Variants in ARHGEF5 observed in about 807,000 individuals in gnomAD.
ARHGEF5 encodes Rho guanine nucleotide exchange factor 5.
Under a neutral mutation model 104.0 loss-of-function variants are expected in ARHGEF5, and 11 were observed. That is an observed-to-expected ratio of 0.11 (90% CI 0.07 to 0.18). ARHGEF5 has a LOEUF of 0.18. Among genes scored for constraint, ARHGEF5 ranks in the 10% least tolerant of loss-of-function variants. The probability of loss-of-function intolerance (pLI) is 1.00; values close to 1 mark genes in which losing one functional copy is unlikely to be tolerated. For synonymous variants in ARHGEF5, 60 were observed against 512.2 expected (o/e 0.12, Z 11.92); for missense variants, 165 against 1,335.4 (o/e 0.12, Z 13.66).
intron 9 of ARHGEF5, among the ~76,000 whole-genome samples, chr7:144,372,980 C>T (rs1471220803): frequency 7.4e-6 from 1 of 135,008 alleles, no homozygotes; most frequent in African/African-American, 2.8e-5. Context: ...CCACCATCAC[C>T]CCCCCATTCA....
At chr7:144,378,919 C>T in intron 14 of ARHGEF5, 53 bp downstream of exon 14, 19 of 1,541,908 alleles carry the variant, frequency 1.2e-5, no homozygotes, top group Non-Finnish European at 1.7e-5. Context: ...CAGGGCAGTG[C>T]TGGGAGTGTG....
chr7:144,370,615 G>A (rs1299740404), intron 5 of ARHGEF5, among the ~76,000 whole-genome samples: 9 of 150,140 alleles, frequency 6.0e-5, no homozygotes, highest in African/African-American at 1.7e-4. Flanking sequence ...ACATGTGCAC[G>A]CCATCACATC....
chr7:144,378,253 G>T (rs1382327512), intron 13 of ARHGEF5, among the ~76,000 whole-genome samples: 2 of 152,192 alleles, frequency 1.3e-5, no homozygotes, highest in East Asian at 1.9e-4. Context: ...AGGGCTTTCA[G>T]TCTCTGGCTT....
At position 144,379,912 on chromosome 7, in the gene ARHGEF5, C is replaced by T. The variant is rs769617324; in HGVS notation, c.4650C>T (p.Gly1550=). ...TQQSSDGWLE[G]VRLSDGERGW... is the part of the protein sequence containing the mutation. ...CTGTGCCCACAGGCTGGCTGGAGGG[C>T]GTGAGGCTCTCAGACGGGGAGCGAG... is the stretch of plus-strand genomic sequence containing the variant. The change falls in exon 15 of 15, where the codon GGC becomes GGT. Residue 1550 remains glycine, a synonymous_variant. Coordinates refer to ENST00000056217, the MANE Select transcript of ARHGEF5 (RefSeq NM_005435.4). 13 of 1,613,990 alleles carry T rather than the reference C, an allele frequency of 8.1e-6. No homozygotes were observed. Among genetic ancestry groups the T allele is most frequent in the Admixed American group, 6.7e-5 (4 of 59,996 alleles).
rs757056683 is a variant in ARHGEF5, at chr7:144,373,292, G to A, written c.4140+8G>A. The A allele has an allele frequency of 8.7e-5, 120 of 1,386,206 alleles. 25 individuals are homozygous for A. Among genetic ancestry groups the A allele is most frequent in the African/African-American group, 5.2e-5 (3 of 57,642 alleles). 85.9% of individuals were successfully genotyped at this position (1,386,206 alleles called of 1,614,324 possible). A position where few individuals can be genotyped will look rare whatever the true frequency, so the allele number is the denominator to read the frequency against. On this transcript the variant is annotated splice_region_variant and intron_variant, in intron 10 of 14. Coordinates refer to ENST00000056217, the MANE Select transcript of ARHGEF5 (RefSeq NM_005435.4). ...ATTGAGTTTGAGTGCAAAGTGAGTC[G>A]GTCCCATGCACCCCATCCCTGCCCA...
At position 144,377,153 on chromosome 7, in the gene ARHGEF5, C is replaced by T; in HGVS notation, c.4494C>T (p.Ala1498=). 6.6e-7 allele frequency: 1 copy of T among 1,524,140 alleles called. No homozygotes were observed. Among genetic ancestry groups the T allele is most frequent in the East Asian group, 2.3e-5 (1 of 43,314 alleles). 94.4% of individuals were successfully genotyped at this position (1,524,140 alleles called of 1,614,324 possible). Residue 1498 remains alanine (A), a synonymous_variant, in exon 13 of 15, where the codon GCC becomes GCT. Transcript: ENST00000056217. ...SEKLRWISAL[A]MPREELDLLE... ...AGCTTCGGTGGATCTCAGCCTTGGCCATGCCAAGAGAGGAGTTGGACCTTC... is the reference window on the plus strand; with the variant it reads ...AGCTTCGGTGGATCTCAGCCTTGGCTATGCCAAGAGAGGAGTTGGACCTTC...
Position 144,378,847 on chromosome 7 carries a change from GA to G in ARHGEF5, c.4618del (p.Thr1540LeufsTer12). 3 of 1,614,108 alleles carry G rather than the reference GA, an allele frequency of 1.9e-6. No individual in the cohort carries two copies. The highest frequency in any genetic ancestry group is 2.5e-6 in the Non-Finnish European group (3 of 1,179,992). ...ALEKADVVMV[T>X]QQSSDGWLEG... ...TGGAGAAAGCCGACGTGGTGATGGT[GA>G]CTCAGCAGAGCAGTGACGGTAAGCG... On this transcript the variant is annotated frameshift_variant, in exon 14 of 15. Coordinates refer to ENST00000056217, the MANE Select transcript of ARHGEF5 (RefSeq NM_005435.4). LOFTEE classifies it high-confidence loss of function.
Position 144,380,124 on chromosome 7 carries a change from C to G in ARHGEF5, c.*68C>G, listed in dbSNP as rs554793002. On this transcript the variant is annotated 3_prime_UTR_variant, in exon 15 of 15. Coordinates refer to ENST00000056217, the MANE Select transcript of ARHGEF5 (RefSeq NM_005435.4). ...TCATGGCAAGGGCTGGCCCCAGAAC[C>G]CTGCAAGAGAGGCCTTCTGTGGATG... The G allele has an allele frequency of 6.3e-7, 1 of 1,587,866 alleles. No homozygotes were observed. The highest frequency in any genetic ancestry group is 1.3e-5 in the African/African-American group (1 of 74,350).
chr7:144,379,513 G>C (rs1339910271), intron 14 of ARHGEF5, among the ~76,000 whole-genome samples: 1 of 152,152 alleles, frequency 6.6e-6, no homozygotes, highest in Non-Finnish European at 1.5e-5. Flanking sequence ...CCCAGCCCAA[G>C]TTTTCCTCCT....
Position 144,380,631 on chromosome 7 carries a change from T to G in ARHGEF5, c.*575T>G, listed in dbSNP as rs2053795678. ...CTAATAAACTTGGCACTTCTCCGAGTATTTTCTTCTCAAACTCCTCAGCAC... is the reference window on the plus strand; with the variant it reads ...CTAATAAACTTGGCACTTCTCCGAGGATTTTCTTCTCAAACTCCTCAGCAC... On this transcript the variant is annotated 3_prime_UTR_variant, in exon 15 of 15. Coordinates refer to ENST00000056217, the MANE Select transcript of ARHGEF5 (RefSeq NM_005435.4). 1 of 152,380 alleles carries G rather than the reference T, an allele frequency of 6.6e-6. No homozygotes were observed. The highest frequency in any genetic ancestry group is 2.4e-5 in the African/African-American group (1 of 41,434). 9.4% of individuals were successfully genotyped at this position (152,380 alleles called of 1,614,324 possible).
chr7:144,378,965 GA>G, intron 14 of ARHGEF5, 99 bp downstream of exon 14: 1 of 1,206,060 alleles, frequency 8.3e-7, no homozygotes, highest in African/African-American at 1.5e-5. Context: ...AAGTACCATG[GA>G]CTGGGTGGCT....
rs933712530 is a variant in ARHGEF5 at position 144,380,304 on chromosome 7, T to C, written c.*248T>C. ...TTCATCATTAAAAAAAGGGGGACCA[T>C]TGGGGCCTGAGCCAAGGAACTTTCC... On this transcript the variant is annotated 3_prime_UTR_variant, in exon 15 of 15. Coordinates refer to ENST00000056217, the MANE Select transcript of ARHGEF5 (RefSeq NM_005435.4). 11 of 436,334 alleles carry C rather than the reference T, an allele frequency of 2.5e-5. No individual in the cohort carries two copies. Among genetic ancestry groups the C allele is most frequent in the African/African-American group, 3.9e-5 (2 of 50,812 alleles). The allele number at this position is 436,334 out of a possible 1,614,324, so 27.0% of individuals were successfully genotyped here.
intron 13 of ARHGEF5, among the ~76,000 whole-genome samples, chr7:144,377,731 A>G (rs1358846239): frequency 6.6e-6 from 1 of 152,160 alleles, no homozygotes; most frequent in African/African-American, 2.4e-5. Flanking sequence ...TCCAGCAAAG[A>G]TTCCCTAATT....
At chr7:144,379,248 C>T (rs1407853504) in intron 14 of ARHGEF5, among the ~76,000 whole-genome samples, 2 of 152,052 alleles carry the variant, frequency 1.3e-5, no homozygotes, top group East Asian at 1.9e-4. Context: ...GAGACAGAGT[C>T]TTGCTCTGTT....
chr7:144,378,626 C>T (rs2053778027), intron 13 of ARHGEF5, 136 bp from the exon 14 acceptor site: 2 of 674,412 alleles, frequency 3.0e-6, no homozygotes, highest in Non-Finnish European at 5.1e-6. Context: ...TTCAAATTTC[C>T]TCTTTTGTCT....
chr7:144,359,881 G>A lies in ARHGEF5; in HGVS notation c.-12-2777G>A, dbSNP rs530678006. Among the ~76,000 whole-genome samples, 7 of 145,088 alleles carry A rather than the reference G, an allele frequency of 4.8e-5. No homozygotes were observed. The South Asian group carries it at 1.3e-3, about 27-fold the overall frequency. On this transcript the variant is annotated intron_variant, in intron 1 of 14. Transcript: ENST00000056217. ...TTAGGTGCTGTATGGAGAAAGGACT[G>A]GAATAGCGTGAAATGGGTGGAGGCC... is the stretch of plus-strand genomic sequence containing the variant.
chr7:144,378,737 C>G (rs761375481), intron 13 of ARHGEF5, 25 bp from the exon 14 acceptor site: 2 of 1,604,754 alleles, frequency 1.2e-6, no homozygotes, highest in Non-Finnish European at 1.7e-6. Flanking sequence ...CTCCTAACCT[C>G]TCTTCACACT....
At chr7:144,377,283 C>T in intron 13 of ARHGEF5, 93 bp downstream of exon 13, 2 of 1,552,890 alleles carry the variant, frequency 1.3e-6, no homozygotes, top group South Asian at 1.2e-5. Context: ...GAACTCTAGG[C>T]TTTCATTTAT....
chr7:144,376,871 A>C (rs1341647334), intron 12 of ARHGEF5, among the ~76,000 whole-genome samples: 1 of 129,718 alleles, frequency 7.7e-6, no homozygotes, highest in African/African-American at 3.0e-5. Context: ...TTACGCCCCA[A>C]CTTGGAAGAT....
Sources: gnomAD v4.1 joint callset for allele counts (sites outside exome capture counted in the v4.1 genomes callset) on GRCh38, gnomAD v4.1.1 for gene constraint, MANE v1.5 for transcripts, NCBI Gene and HGNC (gene_info 2026-07-23, HGNC 2026-07-21) for gene names.